The following PCDH9 variants were observed in gnomAD, a reference collection of about 807,000 sequenced individuals.
PCDH9 encodes the protein protocadherin-9.
A neutral mutation model predicts 70.6 loss-of-function variants in PCDH9; 24 were observed. The ratio of observed to expected loss-of-function variants is 0.34; its 90% CI spans 0.25 to 0.48. PCDH9 has a LOEUF of 0.48. PCDH9 is among the 20% of genes least tolerant of loss of function. The pLI is 0.99. For synonymous variants in PCDH9, 562 were observed against 558.5 expected (o/e 1.01, Z -0.09); for missense variants, 1,281 against 1,503.6 (o/e 0.85, Z 2.45).
chr13:67,089,340 A>G (rs1449714378), intron 2 of PCDH9, among the ~76,000 whole-genome samples: 1 of 152,034 alleles, frequency 6.6e-6, no homozygotes, highest in Admixed American at 6.6e-5. Flanking sequence ...CCCAAGAAAT[A>G]TAATGTCTTT....
intron 2 of PCDH9, among the ~76,000 whole-genome samples, chr13:67,038,130 T>C (rs2085044650): frequency 6.6e-6 from 1 of 152,168 alleles, no homozygotes; most frequent in South Asian, 2.1e-4. Context: ...TTTGACATTA[T>C]GATGTAAATA....
intron 3 of PCDH9, among the ~76,000 whole-genome samples, chr13:66,894,438 A>G (rs1275367038): frequency 6.6e-6 from 1 of 152,204 alleles, no homozygotes; most frequent in African/African-American, 2.4e-5. Context: ...CTGAGATTAT[A>G]TAGGTTATGT....
At chr13:66,733,191 T>C (rs2079100134) in intron 3 of PCDH9, among the ~76,000 whole-genome samples, 2 of 152,088 alleles carry the variant, frequency 1.3e-5, no homozygotes. Flanking sequence ...ATAAACTTAG[T>C]CATTAGGGAG....
rs780792153 is a variant in PCDH9, at chr13:67,227,423, C to T, written c.1018G>A (p.Ala340Thr). The T allele has an allele frequency of 3.7e-6, 6 of 1,613,896 alleles. No individual in the cohort carries two copies. In the Admixed American group the frequency reaches 5.0e-5, roughly 13 times the overall value. The change falls in exon 2 of 5, where the codon GCT becomes ACT. Residue 340 changes from alanine to threonine, a missense_variant. By Grantham distance (58) the Ala-to-Thr change is moderately conservative. Coordinates refer to ENST00000377865, the MANE Select transcript of PCDH9 (RefSeq NM_203487.3). This position sits in a 1 kb window ranked among gnomAD's most constrained non-coding sequence, Gnocchi z 4.6. ...ACATTGATGGTAACCGTTGCTCGAG[C>T]AGGAGTGGAGCTGCCGTCACTAGCC... ...VLASDGSSTP[A>T]RATVTINVTD...
intron 2 of PCDH9, among the ~76,000 whole-genome samples, chr13:67,024,924 T>G (rs2084750159): frequency 6.6e-6 from 1 of 152,162 alleles, no homozygotes; most frequent in Non-Finnish European, 1.5e-5. Flanking sequence ...TCTTCATTGT[T>G]TTAGTTGTTT....
intron 2 of PCDH9, among the ~76,000 whole-genome samples, chr13:67,136,208 T>C (rs935062572): frequency 1.6e-4 from 24 of 152,158 alleles, no homozygotes; most frequent in African/African-American, 5.5e-4. Flanking sequence ...TTCAGTACAG[T>C]AACATGCTGT....
chr13:66,337,810 T>C (rs1457152606), intron 4 of PCDH9, among the ~76,000 whole-genome samples: 1 of 152,050 alleles, frequency 6.6e-6, no homozygotes, highest in African/African-American at 2.4e-5. Context: ...GAAACATTTG[T>C]TTCAAATGAG....
chr13:66,481,695 C>T (rs1035371440), intron 4 of PCDH9, among the ~76,000 whole-genome samples: 3 of 152,058 alleles, frequency 2.0e-5, no homozygotes, highest in Non-Finnish European at 2.9e-5. Flanking sequence ...TGTTGTTAAA[C>T]CTTATAAACA....
chr13:66,741,982 G>T (rs1439114159), intron 3 of PCDH9, among the ~76,000 whole-genome samples: 1 of 148,158 alleles, frequency 6.7e-6, no homozygotes, highest in Non-Finnish European at 1.5e-5. Flanking sequence ...CACAGAATTG[G>T]AAAAAACTAC....
At chr13:66,915,765 G>A (rs1237893266) in intron 2 of PCDH9, among the ~76,000 whole-genome samples, 4 of 151,670 alleles carry the variant, frequency 2.6e-5, no homozygotes, top group African/African-American at 9.7e-5. Context: ...CAGGAAATCA[G>A]TGTAAATATG....
intron 4 of PCDH9, among the ~76,000 whole-genome samples, chr13:66,617,141 CA>C (rs1423510333): frequency 6.6e-6 from 1 of 152,192 alleles, no homozygotes; most frequent in East Asian, 1.9e-4. Flanking sequence ...TAGGTGAGAG[CA>C]GATAATTCTG....
At chr13:66,895,812 T>C (rs138450196) in intron 3 of PCDH9, among the ~76,000 whole-genome samples, 1 of 152,342 alleles carries the variant, frequency 6.6e-6, no homozygotes, top group Non-Finnish European at 1.5e-5. Flanking sequence ...TTTTGTTATA[T>C]CTTTAGGATC....
chr13:66,911,908 T>C (rs1262102096), intron 2 of PCDH9, among the ~76,000 whole-genome samples: 2 of 152,252 alleles, frequency 1.3e-5, no homozygotes, highest in Admixed American at 1.3e-4. Context: ...ACAACAGACA[T>C]TTTTGGGTGC....
intron 2 of PCDH9, among the ~76,000 whole-genome samples, chr13:67,036,278 T>G (rs1177937072): frequency 6.6e-6 from 1 of 152,210 alleles, no homozygotes; most frequent in Non-Finnish European, 1.5e-5. Context: ...CCCCACTGTT[T>G]CATATTTTAT....
Position 67,225,608 on chromosome 13 carries a change from G to T in PCDH9, c.2833C>A (p.Gln945Lys). The T allele has an allele frequency of 6.2e-7, 1 of 1,614,148 alleles. No individual in the cohort carries two copies. Among genetic ancestry groups the T allele is most frequent in the Non-Finnish European group, 8.5e-7 (1 of 1,179,986 alleles). ...TCTGGTTTGAGATGAAAAGCAGGCTGTGGAGAAGCAGATTTGTAGTGCTTG... is the reference window on the plus strand; with the variant it reads ...TCTGGTTTGAGATGAAAAGCAGGCTTTGGAGAAGCAGATTTGTAGTGCTTG... ...LAKHYKSASP[Q>K]PAFHLKPDTP... The change falls in exon 2 of 5, where the codon CAG (glutamine) becomes AAG (lysine). Residue 945 changes from glutamine to lysine, a missense_variant. Gln to Lys is a moderately conservative substitution (Grantham distance 53, BLOSUM62 1). Around this residue, in one of 4 missense-constraint regions of PCDH9, gnomAD observed 207 missense variants for 191.8 expected, o/e 1.08. Coordinates refer to ENST00000377865, the MANE Select transcript of PCDH9 (RefSeq NM_203487.3).
intron 3 of PCDH9, among the ~76,000 whole-genome samples, chr13:66,661,900 G>A (rs998772804): frequency 3.9e-5 from 6 of 152,072 alleles, no homozygotes; most frequent in Non-Finnish European, 7.4e-5. Flanking sequence ...ACATATCCAC[G>A]CTTTACGAAA....
At chr13:66,453,234 A>G (rs890870988) in intron 4 of PCDH9, among the ~76,000 whole-genome samples, 1 of 152,136 alleles carries the variant, frequency 6.6e-6, no homozygotes, top group Non-Finnish European at 1.5e-5. Flanking sequence ...ATGTAAGGTA[A>G]ATCTCAGAAT....
chr13:66,734,573 C>G (rs948548916), intron 3 of PCDH9, among the ~76,000 whole-genome samples: 2 of 152,146 alleles, frequency 1.3e-5, no homozygotes, highest in African/African-American at 2.4e-5. Flanking sequence ...CTCTGGGTAA[C>G]AACTAAGTGT....
intron 2 of PCDH9, among the ~76,000 whole-genome samples, chr13:66,966,846 G>T (rs558860793): frequency 1.3e-5 from 2 of 152,040 alleles, no homozygotes; most frequent in Non-Finnish European, 2.9e-5. Context: ...ATATGAAATA[G>T]AGAAGAAAAC....
Sources: allele counts gnomAD v4.1 joint callset (sites outside exome capture counted in the v4.1 genomes callset), GRCh38; gene constraint gnomAD v4.1.1; regional missense constraint gnomAD v4.1.1; non-coding constraint Gnocchi (gnomAD v3.1); transcripts MANE v1.5; gene names NCBI Gene and HGNC (gene_info 2026-07-23, HGNC 2026-07-21).